Variants in GAS6 observed in about 807,000 individuals in gnomAD.
GAS6 encodes the protein growth arrest specific 6.
In GAS6, 41 loss-of-function variants were observed where a neutral mutation model predicts 75.8. That is an observed-to-expected ratio of 0.54 (90% confidence interval 0.42 to 0.70). The LOEUF is 0.70. GAS6 is among the 30% of genes least tolerant of loss of function. GAS6 has a pLI of 0.00. For synonymous variants in GAS6, 432 were observed against 412.6 expected, an observed-to-expected ratio of 1.05 and a Z score of -0.57; for missense variants, 854 against 940.2, an observed-to-expected ratio of 0.91 and a Z score of 1.20.
In GAS6 at chr13:113,827,107, T is replaced by C; in HGVS notation, c.1366A>G (p.Thr456Ala). ...RSWNWLNGED[T>A]TIQETVKVNT... ...ACTTTCACCGTTTCCTGGATGGTGG[T>C]GTCTTCTCCGTTCAGCCAGTTCCAG... is the stretch of plus-strand genomic sequence containing the variant. Residue 456 changes from threonine to alanine, a missense_variant, in exon 12 of 15, where the codon ACC becomes GCC. Coordinates refer to ENST00000327773, the MANE Select transcript of GAS6 (RefSeq NM_000820.4). The C allele has an allele frequency of 1.2e-6, 2 of 1,612,920 alleles. No homozygotes were observed. The highest frequency in any genetic ancestry group is 1.7e-6 in the Non-Finnish European group (2 of 1,179,882).
rs139044158 is a variant in GAS6, at chr13:113,822,160, C to T, written c.1680G>A (p.Thr560=). 3.5e-4 allele frequency: 551 copies of T among 1,579,388 alleles called. 3 individuals carry two copies. The highest frequency in any genetic ancestry group is 7.2e-5 in the Non-Finnish European group (84 of 1,160,454). ...CCTTGATCTCCATTAGGGCCAAGGC[C>T]GTATGCTCCACGGCCAGGACCACCA... ...KQLVVLAVEH[T]ALALMEIKVC... Residue 560 remains threonine, a synonymous_variant, in exon 14 of 15, where the codon ACG becomes ACA. Transcript: ENST00000327773.
intron 2 of GAS6, among the ~76,000 whole-genome samples, chr13:113,855,146 G>A (rs146537697): frequency 7.0e-4 from 106 of 152,364 alleles, no homozygotes; most frequent in East Asian, 6.4e-3. Context: ...AGTTAGAGCC[G>A]TGTGGACTCG....
At chr13:113,828,476 G>A in intron 11 of GAS6, 71 bp downstream of exon 11, 1 of 1,509,030 alleles carries the variant, frequency 6.6e-7, no homozygotes, top group Non-Finnish European at 9.0e-7. Flanking sequence ...GGGTGTGACT[G>A]AGGCTTCCTG....
At position 113,863,382 on chromosome 13, in the gene GAS6, C is replaced by T. The variant is rs1276814367; in HGVS notation, c.255+193G>A. Among the ~76,000 whole-genome samples the T allele has an allele frequency of 6.6e-6, 1 of 152,186 alleles. No homozygotes were observed. Among genetic ancestry groups the T allele is most frequent in the African/African-American group, 2.4e-5 (1 of 41,462 alleles). ...TCCCGGACAGCCCCGCAGCGTCTCA[C>T]CGGCCTGCGCGGGGATCCCGGGGTC... On this transcript the variant is annotated intron_variant, in intron 2 of 14. Coordinates refer to ENST00000327773, the MANE Select transcript of GAS6 (RefSeq NM_000820.4). The surrounding 1 kb of genome is among the most constrained non-coding windows in gnomAD (Gnocchi z 9.4).
chr13:113,821,397 G>A (rs2051455992), intron 14 of GAS6: 1 of 251,980 alleles, frequency 4.0e-6, no homozygotes, highest in Non-Finnish European at 7.7e-6. Flanking sequence ...AGCCAAGAGA[G>A]AAATCCTGCC....
At chr13:113,839,926 C>T (rs949906421) in intron 4 of GAS6, 76 bp from the exon 5 acceptor site, 13 of 1,604,888 alleles carry the variant, frequency 8.1e-6, no homozygotes, top group African/African-American at 1.3e-5. Context: ...GAGATCGGGG[C>T]GGCTGTGGGG....
rs975612741 is a variant in GAS6 at position 113,821,972 on chromosome 13, G to A, written c.1868C>T (p.Ala623Val). Residue 623 changes from alanine to valine, a missense_variant, in exon 14 of 15, where the codon GCT (alanine) becomes GTT (valine). Coordinates refer to ENST00000327773, the MANE Select transcript of GAS6 (RefSeq NM_000820.4). ...GGAGCACCTACCTGGCAGGCCGCCAGCAAAGGTGAGCACGGGGCTCCGCAG... is the reference window on the plus strand; with the variant it reads ...GGAGCACCTACCTGGCAGGCCGCCAACAAAGGTGAGCACGGGGCTCCGCAG... ...RHLRSPVLTF[A>V]GGLPDVPVTS... The A allele has an allele frequency of 6.5e-7, 1 of 1,537,812 alleles. No individual in the cohort carries two copies. Among genetic ancestry groups the A allele is most frequent in the Admixed American group, 2.0e-5 (1 of 50,840 alleles).
chr13:113,829,425 C>A (rs561971137), intron 10 of GAS6, among the ~76,000 whole-genome samples: 1 of 149,392 alleles, frequency 6.7e-6, no homozygotes, highest in African/African-American at 2.5e-5. Flanking sequence ...CTCAGGGACA[C>A]CACCTGATCC....
intron 14 of GAS6, chr13:113,821,756 G>T: frequency 1.8e-6 from 1 of 543,804 alleles, no homozygotes; most frequent in Non-Finnish European, 3.2e-6. Context: ...GTGTTTCTCA[G>T]TCTCAGCCAA....
intron 12 of GAS6, among the ~76,000 whole-genome samples, chr13:113,826,127 G>A (rs531255406): frequency 6.6e-6 from 1 of 152,202 alleles, no homozygotes; most frequent in Non-Finnish European, 1.5e-5. Context: ...ACTGGGGAGG[G>A]CGGCAGCGTG....
At chr13:113,857,567 G>A (rs2051924270) in intron 2 of GAS6, among the ~76,000 whole-genome samples, 1 of 152,188 alleles carries the variant, frequency 6.6e-6, no homozygotes, top group Non-Finnish European at 1.5e-5. Flanking sequence ...GGAAAATGAA[G>A]CATGAGGAAA....
chr13:113,848,451 A>T lies in GAS6; in HGVS notation c.256-401T>A, dbSNP rs2051850323. ...ACGGGCATTGATTTGCACTTATAGT[A>T]TTGGTGAAACAAAATTGGTACTGGG... is the stretch of plus-strand genomic sequence containing the variant. On this transcript the variant is annotated intron_variant, in intron 2 of 14. Coordinates refer to ENST00000327773, the MANE Select transcript of GAS6 (RefSeq NM_000820.4). The surrounding 1 kb of genome is among the most constrained non-coding windows in gnomAD (Gnocchi z 4.8). Among the ~76,000 whole-genome samples, 1 of 152,224 alleles carries T rather than the reference A, an allele frequency of 6.6e-6. No homozygotes were observed. Among genetic ancestry groups the T allele is most frequent in the Non-Finnish European group, 1.5e-5 (1 of 68,044 alleles).
intron 2 of GAS6, among the ~76,000 whole-genome samples, chr13:113,855,241 T>A (rs1233387756): frequency 6.6e-6 from 1 of 152,192 alleles, no homozygotes; most frequent in African/African-American, 2.4e-5. Context: ...AAGTTCACCT[T>A]TGGAGGTGTC....
At chr13:113,862,974 A>G (rs1477556167) in intron 2 of GAS6, among the ~76,000 whole-genome samples, 1 of 151,862 alleles carries the variant, frequency 6.6e-6, no homozygotes, top group Non-Finnish European at 1.5e-5. Context: ...CGCCTTCTCC[A>G]AGGACATTCC....
intron 12 of GAS6, among the ~76,000 whole-genome samples, chr13:113,826,075 G>A (rs1001341454): frequency 3.9e-5 from 6 of 152,180 alleles, no homozygotes; most frequent in South Asian, 4.1e-4. Context: ...GGGTGGGGCC[G>A]AGCAGTAACA....
intron 2 of GAS6, among the ~76,000 whole-genome samples, chr13:113,849,879 G>T (rs1393396447): frequency 6.6e-6 from 1 of 152,134 alleles, no homozygotes; most frequent in African/African-American, 2.4e-5. Flanking sequence ...TAATTCCACC[G>T]GCAAACTAGG....
chr13:113,833,483 A>C lies in GAS6; in HGVS notation c.835-731T>G. The C allele has an allele frequency of 3.0e-6, 3 of 990,382 alleles. No homozygotes were observed. The South Asian group carries it at 1.4e-4, about 45-fold the overall frequency. The allele number at this position is 990,382 out of a possible 1,614,324, so 61.3% of individuals were successfully genotyped here. ...TTTTAAATAAATGCTCACTCTCATC[A>C]ACCCCCAGGCACAGGCCCAGGCTGA... On this transcript the variant is annotated intron_variant, in intron 8 of 14. Coordinates refer to ENST00000327773, the MANE Select transcript of GAS6 (RefSeq NM_000820.4).
intron 10 of GAS6, among the ~76,000 whole-genome samples, chr13:113,829,292 C>A (rs1434474819): frequency 1.3e-5 from 2 of 148,572 alleles, no homozygotes; most frequent in East Asian, 4.0e-4. Context: ...GGGAGGCCAC[C>A]TGATCCTCAC....
rs1447305105 is a variant in GAS6, at chr13:113,821,001, C to T, written c.1900G>A (p.Ala634Thr). 2 of 1,612,562 alleles carry T rather than the reference C, an allele frequency of 1.2e-6. No homozygotes were observed. Among genetic ancestry groups the T allele is most frequent in the Middle Eastern group, 1.7e-4 (1 of 5,920 alleles). ...GGLPDVPVTSAPVTAFYRGCM... is the reference protein window; with the variant it reads ...GGLPDVPVTSTPVTAFYRGCM... ...CCGCGGTAGAACGCGGTGACTGGCG[C>T]TGAAGTCACCGGCACATCTGGGCCG... The change falls in exon 15 of 15, where the codon GCG becomes ACG. Residue 634 changes from alanine (A) to threonine (T), a missense_variant. By Grantham distance (58) the Ala-to-Thr change is moderately conservative. Transcript: ENST00000327773.
Sources: gnomAD v4.1 joint callset for allele counts (sites outside exome capture counted in the v4.1 genomes callset) on GRCh38, gnomAD v4.1.1 for gene constraint, Gnocchi (gnomAD v3.1) non-coding constraint, MANE v1.5 for transcripts, NCBI Gene and HGNC (gene_info 2026-07-23, HGNC 2026-07-21) for gene names.